Variants in SLCO6A1 observed in about 807,000 individuals in gnomAD.
SLCO6A1 encodes the protein cancer/testis antigen 48.
Under a neutral mutation model 72.7 loss-of-function variants are expected in SLCO6A1, and 65 were observed. That is an observed-to-expected ratio of 0.89 (90% CI 0.73 to 1.10). The LOEUF is 1.10. SLCO6A1 is among the 50% of genes least tolerant of loss of function. SLCO6A1 has a pLI of 0.00. For synonymous variants in SLCO6A1, 314 were observed against 298.2 expected, an observed-to-expected ratio of 1.05 and a Z score of -0.55; for missense variants, 874 against 872.6, an observed-to-expected ratio of 1.00 and a Z score of -0.02.
At chr5:102,422,863 G>A (rs1452105784) in intron 7 of SLCO6A1, among the ~76,000 whole-genome samples, 1 of 152,034 alleles carries the variant, frequency 6.6e-6, no homozygotes. Flanking sequence ...AAATGTTAAG[G>A]GCAGCTAGAG....
intron 6 of SLCO6A1, among the ~76,000 whole-genome samples, chr5:102,441,285 C>T (rs1276280846): frequency 6.6e-6 from 1 of 152,100 alleles, no homozygotes; most frequent in Non-Finnish European, 1.5e-5. Context: ...GGTAGAAATC[C>T]ATGGTCATTT....
Position 102,480,211 on chromosome 5 carries a change from A to T in SLCO6A1, c.582T>A (p.Asn194Lys). ...CTACCTTACTTTGTTTATTTTCTTC[A>T]TTAATGGATGGAAAAGCACATAAAA... ...GSLLCAFPSI[N>K]EENKQSKVGI... Residue 194 changes from asparagine to lysine, a missense_variant, in exon 2 of 14, where the codon AAT becomes AAA. Physicochemically the swap from Asn to Lys is moderately conservative, Grantham distance 94. Coordinates refer to ENST00000506729, the MANE Select transcript of SLCO6A1 (RefSeq NM_173488.5). 1 of 1,611,208 alleles carries T rather than the reference A, an allele frequency of 6.2e-7. No homozygotes were observed. The highest frequency in any genetic ancestry group is 8.5e-7 in the Non-Finnish European group (1 of 1,178,484).
chr5:102,420,471 C>T (rs1748533661), intron 7 of SLCO6A1, among the ~76,000 whole-genome samples: 1 of 151,804 alleles, frequency 6.6e-6, no homozygotes, highest in African/African-American at 2.4e-5. Context: ...AATGAACGTT[C>T]AATATTAATA....
chr5:102,458,308 T>C, intron 6 of SLCO6A1, 74 bp downstream of exon 6: 1 of 1,155,474 alleles, frequency 8.7e-7, no homozygotes, highest in East Asian at 2.4e-5. Flanking sequence ...TTATGGGTAT[T>C]TTCATAAGTT....
In SLCO6A1 at chr5:102,419,692, ATTTCT is replaced by A. The variant is rs1318708879; in HGVS notation, c.1472+129_1472+133del. 4 of 709,470 alleles carry A rather than the reference ATTTCT, an allele frequency of 5.6e-6. No homozygotes were observed. In the African/African-American group the frequency reaches 7.8e-5, roughly 14 times the overall value. The allele number at this position is 709,470 out of a possible 1,614,324, so 43.9% of individuals were successfully genotyped here. A position where few individuals can be genotyped will look rare whatever the true frequency, so the allele number is the denominator to read the frequency against. On this transcript the variant is annotated intron_variant, in intron 8 of 13. Transcript: ENST00000506729. Reference sequence around the variant, plus strand: ...TATGAAAATTTAAACTGTACTTTATATTTCTTTTATGTGTTTGATAATTCCAATAA... The same window carrying A: ...TATGAAAATTTAAACTGTACTTTATATTTATGTGTTTGATAATTCCAATAA...
At position 102,459,660 on chromosome 5, in the gene SLCO6A1, C is replaced by T; in HGVS notation, c.1017G>A (p.Met339Ile). The T allele has an allele frequency of 6.3e-7, 1 of 1,580,906 alleles. No individual in the cohort carries two copies. The highest frequency in any genetic ancestry group is 1.7e-4 in the Middle Eastern group (1 of 5,900). Reference sequence around the variant, plus strand: ...TAAATTACATTTTATAGTCACCTGGCATATTGTTTGGAAAGCATGACAATG... The same window carrying T: ...TAAATTACATTTTATAGTCACCTGGTATATTGTTTGGAAAGCATGACAATG... ...LIPLSCFPNN[M>I]PGSTRIKARK... is the part of the protein sequence containing the mutation. Residue 339 changes from methionine to isoleucine, a missense_variant, in exon 5 of 14, where the codon ATG (methionine) becomes ATA (isoleucine). Physicochemically the swap from Met to Ile is conservative, Grantham distance 10. Transcript: ENST00000506729.
chr5:102,450,550 C>T (rs1750359192), intron 6 of SLCO6A1, among the ~76,000 whole-genome samples: 1 of 152,340 alleles, frequency 6.6e-6, no homozygotes. Flanking sequence ...GTGTGGGCTC[C>T]TTTCCCACTA....
intron 7 of SLCO6A1, among the ~76,000 whole-genome samples, chr5:102,433,281 G>A (rs1749320102): frequency 6.6e-6 from 1 of 152,138 alleles, no homozygotes; most frequent in African/African-American, 2.4e-5. Context: ...AGCCATCTAA[G>A]ACTGGTTAAG....
rs1341657644 is a variant in SLCO6A1, at chr5:102,399,565, C to T, written c.1804G>A (p.Ala602Thr). The change falls in exon 10 of 14, where the codon GCC becomes ACC. Residue 602 changes from alanine (A) to threonine (T), a missense_variant. By Grantham distance (58) the Ala-to-Thr change is moderately conservative. Transcript: ENST00000506729. ...GTAATATATACATACCGCGTCATGG[C>T]CAAGACGATTGGTACACCAGAAAAA... ...SGFSGVPIVL[A>T]MTRVVPDKLR... 4 of 1,557,288 alleles carry T rather than the reference C, an allele frequency of 2.6e-6. No individual in the cohort carries two copies. The highest frequency in any genetic ancestry group is 1.4e-5 in the African/African-American group (1 of 73,642).
intron 11 of SLCO6A1, among the ~76,000 whole-genome samples, chr5:102,389,758 C>T (rs1167611494): frequency 6.6e-6 from 1 of 151,998 alleles, no homozygotes; most frequent in Non-Finnish European, 1.5e-5. Context: ...GTTGTTTTCT[C>T]TCTATTTGTA....
intron 6 of SLCO6A1, among the ~76,000 whole-genome samples, chr5:102,456,723 G>T (rs952415499): frequency 1.4e-4 from 22 of 152,116 alleles, no homozygotes; most frequent in African/African-American, 5.3e-4. Flanking sequence ...AGCTACCAAT[G>T]ACTTTCTTCA....
chr5:102,415,709 G>T (rs554036387), intron 8 of SLCO6A1, among the ~76,000 whole-genome samples: 31 of 152,062 alleles, frequency 2.0e-4, no homozygotes, highest in Non-Finnish European at 4.0e-4. Flanking sequence ...AGACAAATGG[G>T]ACTTAATTAA....
chr5:102,459,820 T>G, intron 4 of SLCO6A1, 43 bp from the exon 5 acceptor site: 1 of 1,513,624 alleles, frequency 6.6e-7, no homozygotes, highest in Non-Finnish European at 8.9e-7. Context: ...CTTTAGGTAT[T>G]TGATTACAAC....
intron 8 of SLCO6A1, among the ~76,000 whole-genome samples, chr5:102,418,363 C>T (rs1748407294): frequency 6.6e-6 from 1 of 151,696 alleles, no homozygotes; most frequent in African/African-American, 2.4e-5. Flanking sequence ...AACATGTTTA[C>T]AGTTTATTTT....
intron 10 of SLCO6A1, among the ~76,000 whole-genome samples, chr5:102,392,728 T>A (rs1001590596): frequency 8.6e-5 from 13 of 151,982 alleles, no homozygotes; most frequent in African/African-American, 2.9e-4. Flanking sequence ...ATCTAATCTA[T>A]AATAGAATAG....
At chr5:102,397,627 T>G (rs1185368047) in intron 10 of SLCO6A1, among the ~76,000 whole-genome samples, 2 of 152,162 alleles carry the variant, frequency 1.3e-5, no homozygotes, top group African/African-American at 4.8e-5. Context: ...CTTATCTATG[T>G]AAGTCCTGCT....
At position 102,490,804 on chromosome 5, in the gene SLCO6A1, C is replaced by T. The variant is rs143491355; in HGVS notation, c.358+7683G>A. Among the ~76,000 whole-genome samples, 624 of 152,188 alleles carry T rather than the reference C, an allele frequency of 4.1e-3. 10 individuals carry two copies. The highest frequency in any genetic ancestry group is 0.014 in the African/African-American group (598 of 41,514). On this transcript the variant is annotated intron_variant, in intron 1 of 13. Coordinates refer to ENST00000506729, the MANE Select transcript of SLCO6A1 (RefSeq NM_173488.5). Reference sequence around the variant, plus strand: ...CTTCAGGAGTGAAGCTGCAGACCTTCGCGGTGAGTGTTACCGCTCATAAAG... The same window carrying T: ...CTTCAGGAGTGAAGCTGCAGACCTTTGCGGTGAGTGTTACCGCTCATAAAG...
At chr5:102,495,339 A>T (rs1752859796) in intron 1 of SLCO6A1, among the ~76,000 whole-genome samples, 1 of 152,208 alleles carries the variant, frequency 6.6e-6, no homozygotes, top group African/African-American at 2.4e-5. Context: ...TATGCCTGTA[A>T]TTCCAGCACT....
In SLCO6A1 at chr5:102,457,542, C is replaced by G. The variant is rs188355301; in HGVS notation, c.1131+840G>C. Among the ~76,000 whole-genome samples, 29 of 152,190 alleles carry G rather than the reference C, an allele frequency of 1.9e-4. No homozygotes were observed. In the East Asian group the frequency reaches 4.4e-3, roughly 23 times the overall value. ...GCCATCAGAGAAATGCAAATCAAAA[C>G]CACAGTTAGATACCATCACACACCA... On this transcript the variant is annotated intron_variant, in intron 6 of 13. Coordinates refer to ENST00000506729, the MANE Select transcript of SLCO6A1 (RefSeq NM_173488.5).
Sources: allele counts gnomAD v4.1 joint callset (sites outside exome capture counted in the v4.1 genomes callset), GRCh38; gene constraint gnomAD v4.1.1; transcripts MANE v1.5; gene names NCBI Gene and HGNC (gene_info 2026-07-23, HGNC 2026-07-21).